ZBBX: variants seen among roughly 807,000 people sequenced by gnomAD.
ZBBX encodes zinc finger B-box domain containing.
Under a neutral mutation model 108.5 loss-of-function variants are expected in ZBBX, and 101 were observed. The ratio of observed to expected loss-of-function variants is 0.93; its 90% CI spans 0.79 to 1.10. ZBBX has a LOEUF of 1.10. Among genes scored for constraint, ZBBX ranks in the 50% least tolerant of loss-of-function variants. The pLI is 0.00. For missense variants in ZBBX, 1,009 were observed against 941.4 expected (o/e 1.07, Z -0.94); for synonymous variants, 356 against 323.4 (o/e 1.10, Z -1.08).
intron 20 of ZBBX, among the ~76,000 whole-genome samples, chr3:167,277,715 C>T (rs1727890049): frequency 6.6e-6 from 1 of 151,930 alleles, no homozygotes; most frequent in Non-Finnish European, 1.5e-5. Flanking sequence ...ACAAGGATAC[C>T]CAGGAATTGA....
chr3:167,354,992 C>T (rs1278134658), intron 8 of ZBBX, among the ~76,000 whole-genome samples: 1 of 151,872 alleles, frequency 6.6e-6, no homozygotes, highest in African/African-American at 2.4e-5. Flanking sequence ...GTACAACTGG[C>T]AGAAACATGC....
the ZBBX span, among the ~76,000 whole-genome samples, chr3:167,185,487 A>C: frequency 2.6e-4 from 39 of 152,266 alleles, no homozygotes; most frequent in East Asian, 7.3e-3. Context: ...TTTTATAATT[A>C]CAAAATAAAA....
At chr3:167,243,404 CTT>C (rs199935428) in intron 20 of ZBBX, among the ~76,000 whole-genome samples, 2 of 144,258 alleles carry the variant, frequency 1.4e-5, no homozygotes, top group Admixed American at 7.0e-5. Context: ...CTATTCTTCC[CTT>C]TTTTTTTTTT....
chr3:167,337,117 G>A (rs993986183), intron 9 of ZBBX, among the ~76,000 whole-genome samples: 1 of 152,144 alleles, frequency 6.6e-6, no homozygotes, highest in Non-Finnish European at 1.5e-5. Flanking sequence ...GAAAAGGTGA[G>A]TGGTATCTAA....
rs746616433 is a variant in ZBBX at position 167,305,871 on chromosome 3, G to A, written c.1497C>T (p.Ser499=). 1.9e-6 allele frequency: 3 copies of A among 1,608,644 alleles called. No individual in the cohort carries two copies. Among genetic ancestry groups the A allele is most frequent in the South Asian group, 1.1e-5 (1 of 89,692 alleles). ...YSSDIEKIEE[S]TSFERNLKEK... ...CCTTTAAATTTCTTTCAAAGGAGGT[G>A]CTTTCCTCAATTTTTTCAATGTCAG... The change falls in exon 17 of 22, where the codon AGC becomes AGT. Residue 499 remains serine (S), a synonymous_variant. Transcript: ENST00000675490.
chr3:167,233,305 C>A, the ZBBX span, among the ~76,000 whole-genome samples: 3 of 151,818 alleles, frequency 2.0e-5, no homozygotes, highest in African/African-American at 7.3e-5. Context: ...CTAGAACAAT[C>A]TAGCTTCTAG....
intron 1 of ZBBX, among the ~76,000 whole-genome samples, chr3:167,404,116 A>G (rs535979160): frequency 3.0e-4 from 46 of 152,312 alleles, no homozygotes; most frequent in African/African-American, 1.1e-3. Flanking sequence ...ACTCCTAATC[A>G]TAAGAGACCT....
At chr3:167,252,277 T>C in intron 20 of ZBBX, 1 of 987,118 alleles carries the variant, frequency 1.0e-6, no homozygotes. Context: ...CACAGAGATT[T>C]GAACATATTT....
chr3:167,284,179 C>CATATATATATATATAT (rs202245834), intron 19 of ZBBX, among the ~76,000 whole-genome samples: 32 of 117,604 alleles, frequency 2.7e-4, no homozygotes, highest in Non-Finnish European at 4.0e-4. Context: ...GTGTTAAAAA[C>CATATATATATATATAT]ATATATCTAT....
intron 20 of ZBBX, among the ~76,000 whole-genome samples, chr3:167,279,784 C>T (rs185762791): frequency 0.051 from 7,700 of 151,996 alleles, 516 homozygotes; most frequent in African/African-American, 0.15. Context: ...GAGCCCGCAT[C>T]GCCAAGTCAA....
chr3:167,215,627 T>C, the ZBBX span, among the ~76,000 whole-genome samples: 1 of 152,156 alleles, frequency 6.6e-6, no homozygotes. Flanking sequence ...CAACTCTTTC[T>C]GTGAGGCCAG....
At chr3:167,404,744 G>C (rs899770811) in intron 1 of ZBBX, among the ~76,000 whole-genome samples, 1 of 152,140 alleles carries the variant, frequency 6.6e-6, no homozygotes, top group Non-Finnish European at 1.5e-5. Flanking sequence ...ATAATTAATA[G>C]AACAATCATT....
chr3:167,295,744 TATATATATATATATAAAAAA>T (rs1731558948), intron 18 of ZBBX, among the ~76,000 whole-genome samples: 1 of 18,390 alleles, frequency 5.4e-5, no homozygotes, highest in Non-Finnish European at 1.1e-4. Context: ...TATATATATA[TATATATATATATATAAAAAA>T]AACTAGTAAG....
chr3:167,304,468 A>T (rs1733273378), intron 17 of ZBBX, among the ~76,000 whole-genome samples: 1 of 152,100 alleles, frequency 6.6e-6, no homozygotes, highest in Non-Finnish European at 1.5e-5. Flanking sequence ...TCTGAAGTGG[A>T]GCTTTATTTT....
At chr3:167,293,800 T>C (rs1053901576) in intron 18 of ZBBX, among the ~76,000 whole-genome samples, 2 of 152,146 alleles carry the variant, frequency 1.3e-5, no homozygotes, top group Non-Finnish European at 2.9e-5. Flanking sequence ...GAAAACCCCA[T>C]TGTCTCAGCC....
chr3:167,226,760 T>A, the ZBBX span, among the ~76,000 whole-genome samples: 1 of 151,756 alleles, frequency 6.6e-6, no homozygotes, highest in African/African-American at 2.4e-5. Flanking sequence ...TACTCCCTAA[T>A]GACTACTTTA....
intron 19 of ZBBX, among the ~76,000 whole-genome samples, chr3:167,283,098 A>G (rs1256993041): frequency 6.6e-6 from 1 of 152,202 alleles, no homozygotes; most frequent in Non-Finnish European, 1.5e-5. Context: ...CTCTTCTGGA[A>G]AAGTTCCAGA....
the ZBBX span, among the ~76,000 whole-genome samples, chr3:167,203,995 TA>T: frequency 6.6e-6 from 1 of 152,018 alleles, no homozygotes; most frequent in South Asian, 2.1e-4. Flanking sequence ...TGTCAAAAGA[TA>T]AGACACTAAA....
In ZBBX at chr3:167,328,126, A is replaced by AGGATACAT; in HGVS notation, c.688-18_688-11dup. 6.3e-7 allele frequency: 1 copy of AGGATACAT among 1,594,676 alleles called. No homozygotes were observed. The highest frequency in any genetic ancestry group is 1.1e-5 in the South Asian group (1 of 87,132). Reference sequence around the variant, plus strand: ...TCGTTGTAATTTCTACCTAATTAAAAGGATACATAGGCATGCTTTATTAAA... The same window carrying AGGATACAT: ...TCGTTGTAATTTCTACCTAATTAAAAGGATACATGGATACATAGGCATGCTTTATTAAA... On this transcript the variant is annotated splice_polypyrimidine_tract_variant and intron_variant, in intron 10 of 21. Coordinates refer to ENST00000675490, the MANE Select transcript of ZBBX (RefSeq NM_001199201.2).
Sources: allele counts gnomAD v4.1 joint callset (sites outside exome capture counted in the v4.1 genomes callset), GRCh38; gene constraint gnomAD v4.1.1; transcripts MANE v1.5; gene names NCBI Gene and HGNC (gene_info 2026-07-23, HGNC 2026-07-21).